The following ROBO2 variants were observed in gnomAD, a reference collection of about 807,000 sequenced individuals.
ROBO2 encodes the protein roundabout homolog 2.
ROBO2 carries 53 observed loss-of-function variants against 160.8 expected under a neutral mutation model. The ratio of observed to expected loss-of-function variants is 0.33; its 90% CI spans 0.26 to 0.41. The LOEUF (loss-of-function observed/expected upper bound fraction) is 0.41, where lower values mean the gene tolerates loss of function less well. ROBO2 is among the 10% of genes least tolerant of loss of function. The pLI is 1.00. For synonymous variants in ROBO2, 664 were observed against 611.7 expected, an observed-to-expected ratio of 1.09 and a Z score of -1.26; for missense variants, 1,577 against 1,722.4, an observed-to-expected ratio of 0.92 and a Z score of 1.49.
chr3:76,855,464 A>G (rs568076016), intron 2 of ROBO2, among the ~76,000 whole-genome samples: 4 of 152,340 alleles, frequency 2.6e-5, no homozygotes, highest in Non-Finnish European at 4.4e-5. Flanking sequence ...GACCTTTGCA[A>G]TCTGCGTGTA....
chr3:77,163,809 A>T (rs1004449896), intron 2 of ROBO2, among the ~76,000 whole-genome samples: 2 of 152,190 alleles, frequency 1.3e-5, no homozygotes, highest in Non-Finnish European at 2.9e-5. Context: ...TCTTACTGTT[A>T]CTTTTTTTAA....
At chr3:76,729,639 C>CT (rs11292819) in intron 2 of ROBO2, among the ~76,000 whole-genome samples, 3,883 of 136,066 alleles carry the variant, frequency 0.029, 67 homozygotes, top group Non-Finnish European at 0.041. Flanking sequence ...CTCTCTCTCT[C>CT]TTTTTTTTTT....
chr3:77,385,841 G>A (rs988215304), intron 2 of ROBO2, among the ~76,000 whole-genome samples: 10 of 152,206 alleles, frequency 6.6e-5, no homozygotes, highest in African/African-American at 2.4e-4. Flanking sequence ...CCTCAGACAC[G>A]TGAGTGACAG....
At chr3:76,791,015 G>A (rs912669662) in intron 2 of ROBO2, among the ~76,000 whole-genome samples, 2 of 151,838 alleles carry the variant, frequency 1.3e-5, no homozygotes, top group South Asian at 2.1e-4. Context: ...GCAAAGAAAA[G>A]TTTCAGCAAA....
At chr3:76,047,221 C>T (rs757945953) in intron 2 of ROBO2, among the ~76,000 whole-genome samples, 5 of 152,136 alleles carry the variant, frequency 3.3e-5, no homozygotes, top group Non-Finnish European at 7.3e-5. Flanking sequence ...CATGCTAATC[C>T]TATTTCTCAG....
chr3:76,724,811 T>C (rs2093523025), intron 2 of ROBO2, among the ~76,000 whole-genome samples: 1 of 152,140 alleles, frequency 6.6e-6, no homozygotes, highest in African/African-American at 2.4e-5. Context: ...ATAGGGAGAT[T>C]AGCTTTTATT....
chr3:77,062,518 GA>G (rs1231272804), intron 1 of ROBO2, among the ~76,000 whole-genome samples: 1 of 152,164 alleles, frequency 6.6e-6, no homozygotes, highest in African/African-American at 2.4e-5. Flanking sequence ...GGAGTGAGCA[GA>G]AGGGGCACAG....
chr3:77,647,116 C>T lies in ROBO2; in HGVS notation c.*1061C>T, dbSNP rs186113368. On this transcript the variant is annotated 3_prime_UTR_variant, in exon 26 of 26. Coordinates refer to ENST00000461745, the Ensembl canonical transcript of ROBO2. ...TTATTAGGGCATACTCGGGCTGTTT[C>T]CAAATATAAACTCTATTGCAATATC... 499 of 152,594 alleles carry T rather than the reference C, an allele frequency of 3.3e-3. 2 individuals are homozygous for T. The highest frequency in any genetic ancestry group is 0.01 in the Middle Eastern group (3 of 294). 9.5% of individuals were successfully genotyped at this position (152,594 alleles called of 1,614,324 possible). A position where few individuals can be genotyped will look rare whatever the true frequency, so the allele number is the denominator to read the frequency against.
intron 2 of ROBO2, among the ~76,000 whole-genome samples, chr3:76,110,512 T>C (rs1161044846): frequency 6.6e-6 from 1 of 152,098 alleles, no homozygotes; most frequent in Non-Finnish European, 1.5e-5. Flanking sequence ...TGAAAATGGA[T>C]TTGAAAGGTT....
At chr3:76,621,050 A>C (rs559984051) in intron 2 of ROBO2, among the ~76,000 whole-genome samples, 2 of 152,228 alleles carry the variant, frequency 1.3e-5, no homozygotes, top group South Asian at 2.1e-4. Flanking sequence ...TGAGAGGGGA[A>C]GGGGACATAC....
At chr3:76,834,390 G>A (rs1174912420) in intron 2 of ROBO2, among the ~76,000 whole-genome samples, 1 of 151,492 alleles carries the variant, frequency 6.6e-6, no homozygotes, top group African/African-American at 2.4e-5. Context: ...TTTGAGATGA[G>A]GTCTCACTCT....
At chr3:76,924,249 G>A (rs200050353) in intron 2 of ROBO2, among the ~76,000 whole-genome samples, 1 of 152,016 alleles carries the variant, frequency 6.6e-6, no homozygotes, top group Admixed American at 6.6e-5. Flanking sequence ...TATAGTATCC[G>A]AACTTCCACT....
chr3:75,971,024 G>A (rs574211516), intron 2 of ROBO2, among the ~76,000 whole-genome samples: 137 of 150,640 alleles, frequency 9.1e-4, no homozygotes, highest in Non-Finnish European at 1.7e-3. Context: ...ACTTTTAATG[G>A]AGAATATTTA....
At chr3:76,759,854 C>T (rs185386781) in intron 2 of ROBO2, among the ~76,000 whole-genome samples, 8 of 151,852 alleles carry the variant, frequency 5.3e-5, no homozygotes, top group African/African-American at 7.2e-5. Flanking sequence ...TTCCCAGGTG[C>T]TTTTCACAGC....
chr3:76,291,062 A>G (rs1708777990), intron 2 of ROBO2, among the ~76,000 whole-genome samples: 1 of 152,086 alleles, frequency 6.6e-6, no homozygotes, highest in African/African-American at 2.4e-5. Flanking sequence ...TCACTGCATG[A>G]GTTAGGGAAG....
chr3:76,624,563 C>G (rs1466161532), intron 2 of ROBO2, among the ~76,000 whole-genome samples: 1 of 151,906 alleles, frequency 6.6e-6, no homozygotes, highest in Non-Finnish European at 1.5e-5. Context: ...CTTTGGAAAG[C>G]CGAGGCGGGC....
chr3:77,397,152 C>G (rs1351707637), intron 2 of ROBO2, among the ~76,000 whole-genome samples: 2 of 151,882 alleles, frequency 1.3e-5, no homozygotes, highest in African/African-American at 4.8e-5. Context: ...AAAAATTGCT[C>G]TCTCACCCAA....
intron 2 of ROBO2, among the ~76,000 whole-genome samples, chr3:76,903,102 CTTA>C (rs1191357400): frequency 6.6e-6 from 1 of 151,916 alleles, no homozygotes. Context: ...GTACAGTTTT[CTTA>C]TTGATTAATA....
chr3:77,393,095 T>TA (rs2074909056), intron 2 of ROBO2, among the ~76,000 whole-genome samples: 1 of 152,198 alleles, frequency 6.6e-6, no homozygotes, highest in Admixed American at 6.5e-5. Flanking sequence ...TTTTAAACCA[T>TA]ATTTAAGAAT....
Sources: allele counts gnomAD v4.1 joint callset (sites outside exome capture counted in the v4.1 genomes callset), GRCh38; gene constraint gnomAD v4.1.1; transcripts MANE v1.5; gene names NCBI Gene and HGNC (gene_info 2026-07-23, HGNC 2026-07-21).